DCC: variants seen among roughly 807,000 people sequenced by gnomAD.
DCC encodes netrin receptor DCC.
In DCC, 58 loss-of-function variants were observed where a neutral mutation model predicts 172.5. The ratio of observed to expected loss-of-function variants is 0.34; its 90% CI spans 0.27 to 0.42. The LOEUF is 0.42. DCC is among the 10% of genes least tolerant of loss of function. The probability of loss-of-function intolerance (pLI) is 1.00; values close to 1 mark genes in which losing one functional copy is unlikely to be tolerated. For synonymous variants in DCC, 709 were observed against 644.5 expected, an observed-to-expected ratio of 1.10 and a Z score of -1.52; for missense variants, 1,740 against 1,791.0, an observed-to-expected ratio of 0.97 and a Z score of 0.51.
chr18:52,853,551 G>C (rs1402190274), intron 2 of DCC, among the ~76,000 whole-genome samples: 2 of 152,218 alleles, frequency 1.3e-5, no homozygotes, highest in Admixed American at 6.5e-5. Context: ...ATCCATGGTA[G>C]AGGTGAGGTT....
At chr18:52,483,467 G>A (rs1598853775) in intron 1 of DCC, among the ~76,000 whole-genome samples, 2 of 152,008 alleles carry the variant, frequency 1.3e-5, no homozygotes, top group South Asian at 2.1e-4. Flanking sequence ...AACATCACAT[G>A]TCCAAAATGT....
At chr18:52,791,249 A>G (rs1226106572) in intron 2 of DCC, among the ~76,000 whole-genome samples, 2 of 152,206 alleles carry the variant, frequency 1.3e-5, no homozygotes, top group African/African-American at 2.4e-5. Flanking sequence ...CAAAAAGGCA[A>G]TGCCCTTATG....
chr18:52,417,425 C>A (rs1331729158), intron 1 of DCC, among the ~76,000 whole-genome samples: 2 of 152,062 alleles, frequency 1.3e-5, no homozygotes, highest in Non-Finnish European at 2.9e-5. Context: ...GCCTGCCTTG[C>A]TAGATTGGGG....
chr18:53,210,005 T>C (rs2055722228), intron 11 of DCC, among the ~76,000 whole-genome samples: 1 of 152,224 alleles, frequency 6.6e-6, no homozygotes, highest in African/African-American at 2.4e-5. Context: ...AACATCACTG[T>C]GCAAAGGACA....
chr18:53,326,802 A>T (rs1326100528), intron 14 of DCC, among the ~76,000 whole-genome samples: 1 of 152,164 alleles, frequency 6.6e-6, no homozygotes, highest in African/African-American at 2.4e-5. Context: ...TGATCTCCCA[A>T]AAATTAAGGA....
At chr18:52,442,132 C>T (rs1380320190) in intron 1 of DCC, among the ~76,000 whole-genome samples, 1 of 152,158 alleles carries the variant, frequency 6.6e-6, no homozygotes, top group Non-Finnish European at 1.5e-5. Context: ...TGCCTCTGTC[C>T]CTTTTGGAAG....
chr18:52,998,303 G>A (rs921350360), intron 5 of DCC, among the ~76,000 whole-genome samples: 2 of 151,924 alleles, frequency 1.3e-5, no homozygotes, highest in African/African-American at 4.8e-5. Context: ...CTCATCATCT[G>A]GGGTTGTTCC....
intron 7 of DCC, among the ~76,000 whole-genome samples, chr18:53,151,555 T>G (rs184251789): frequency 2.0e-5 from 3 of 152,314 alleles, no homozygotes; most frequent in Admixed American, 2.0e-4. Context: ...GCATTGTCAA[T>G]TAGATTTTAC....
intron 5 of DCC, among the ~76,000 whole-genome samples, chr18:53,041,599 T>C (rs182686234): frequency 6.0e-4 from 91 of 152,208 alleles, no homozygotes; most frequent in African/African-American, 2.1e-3. Flanking sequence ...TGTAATTACT[T>C]TGGGCAGTAT....
chr18:53,198,107 T>C (rs10221413), intron 9 of DCC, among the ~76,000 whole-genome samples: 3,274 of 152,236 alleles, frequency 0.022, 39 homozygotes, highest in Middle Eastern at 0.027. Flanking sequence ...TTTCCTGTTA[T>C]AAAGTAATTA....
intron 1 of DCC, among the ~76,000 whole-genome samples, chr18:52,634,144 T>A (rs1474115488): frequency 6.6e-6 from 1 of 152,256 alleles, no homozygotes; most frequent in Non-Finnish European, 1.5e-5. Flanking sequence ...CTTTCAGAGA[T>A]AATCTGAGCA....
At chr18:53,515,509 G>A (rs1167423980) in intron 27 of DCC, among the ~76,000 whole-genome samples, 4 of 148,346 alleles carry the variant, frequency 2.7e-5, no homozygotes, top group African/African-American at 9.9e-5. Flanking sequence ...AAGTCAAATT[G>A]TCCCTGTTTG....
chr18:53,007,472 T>C (rs1479052171), intron 5 of DCC, among the ~76,000 whole-genome samples: 9 of 152,028 alleles, frequency 5.9e-5, no homozygotes, highest in Non-Finnish European at 2.9e-5. Context: ...AGAGCTGAGG[T>C]AGCAACTGTG....
intron 1 of DCC, among the ~76,000 whole-genome samples, chr18:52,426,722 A>T (rs1266199277): frequency 2.0e-5 from 3 of 152,108 alleles, no homozygotes; most frequent in African/African-American, 7.2e-5. Context: ...TAAATAGGTG[A>T]GGATTTACAA....
At chr18:52,865,095 G>A (rs1598879570) in intron 2 of DCC, among the ~76,000 whole-genome samples, 1 of 152,108 alleles carries the variant, frequency 6.6e-6, no homozygotes, top group East Asian at 2.0e-4. Flanking sequence ...TTGATCTCCT[G>A]ACCTCGTGAT....
At chr18:52,579,649 T>C (rs1468388997) in intron 1 of DCC, among the ~76,000 whole-genome samples, 1 of 152,234 alleles carries the variant, frequency 6.6e-6, no homozygotes, top group Non-Finnish European at 1.5e-5. Context: ...GTTAAGAGCA[T>C]AGTTTGAACT....
chr18:53,088,271 G>T (rs557560841), intron 7 of DCC, among the ~76,000 whole-genome samples: 4 of 152,210 alleles, frequency 2.6e-5, no homozygotes, highest in African/African-American at 4.8e-5. Flanking sequence ...TATCCTCTTT[G>T]ATTTTGTTGA....
At chr18:52,799,086 A>G (rs1164693994) in intron 2 of DCC, among the ~76,000 whole-genome samples, 1 of 152,212 alleles carries the variant, frequency 6.6e-6, no homozygotes, top group Admixed American at 6.5e-5. Context: ...TAAAACAGGA[A>G]CTATTACAAA....
At chr18:53,055,507 A>G (rs1568274159) in intron 5 of DCC, among the ~76,000 whole-genome samples, 1 of 152,138 alleles carries the variant, frequency 6.6e-6, no homozygotes. Context: ...CCATTTTTCT[A>G]GTACAGTAGA....
Sources: allele counts gnomAD v4.1 joint callset (sites outside exome capture counted in the v4.1 genomes callset), GRCh38; gene constraint gnomAD v4.1.1; transcripts MANE v1.5; gene names NCBI Gene and HGNC (gene_info 2026-07-23, HGNC 2026-07-21).